Variants in LAMB3 observed in about 807,000 individuals in gnomAD.
LAMB3 encodes the protein laminin subunit beta 3.
In LAMB3, 104 loss-of-function variants were observed where a neutral mutation model predicts 140.3. The ratio of observed to expected loss-of-function variants is 0.74; its 90% CI spans 0.63 to 0.87. The LOEUF is 0.87. Ranked by LOEUF, LAMB3 falls within the 40% of genes least tolerant of loss-of-function variation. The pLI is 0.00. For missense variants in LAMB3, 1,531 were observed against 1,575.2 expected, an observed-to-expected ratio of 0.97 and a Z score of 0.47; for synonymous variants, 592 against 602.9, an observed-to-expected ratio of 0.98 and a Z score of 0.26.
rs2076574344 is a variant in LAMB3, at chr1:209,652,373, C to T, written c.-42G>A. On this transcript the variant is annotated 5_prime_UTR_variant, in exon 1 of 23. Transcript: ENST00000356082. ...AGGTAAAGACAGGTAACATACCTTG[C>T]TGTGTGTTCTGCCGTTCTTTCTCCA... 1 of 152,304 alleles carries T rather than the reference C, an allele frequency of 6.6e-6. No individual in the cohort carries two copies. The highest frequency in any genetic ancestry group is 2.4e-5 in the African/African-American group (1 of 41,468). The allele number at this position is 152,304 out of a possible 1,614,324, so 9.4% of individuals were successfully genotyped here. A position where few individuals can be genotyped will look rare whatever the true frequency, so the allele number is the denominator to read the frequency against.
chr1:209,618,967 G>A (rs918123851), intron 18 of LAMB3, among the ~76,000 whole-genome samples: 1 of 152,218 alleles, frequency 6.6e-6, no homozygotes, highest in Non-Finnish European at 1.5e-5. Flanking sequence ...AGGAGGTGGT[G>A]CCAGACAGCT....
chr1:209,650,248 G>T, intron 2 of LAMB3, 130 bp from the exon 3 acceptor site: 1 of 899,756 alleles, frequency 1.1e-6, no homozygotes, highest in Non-Finnish European at 1.8e-6. Flanking sequence ...TCCACTCGCT[G>T]CTGGCAGTAA....
At chr1:209,618,686 A>T (rs751459861) in intron 18 of LAMB3, 27 bp from the exon 19 acceptor site, 2 of 1,607,522 alleles carry the variant, frequency 1.2e-6, no homozygotes, top group African/African-American at 1.3e-5. Context: ...ATTTGACTGT[A>T]GGAGCCCACT....
In LAMB3 at chr1:209,625,953, A is replaced by C; in HGVS notation, c.1671T>G (p.Pro557=). ...GGTCACAGCGGGGCCCGGTCAAGCC[A>C]GGGCGGCAGAGGCAGCGGCCTGATG... ...DKASGRCLCR[P]GLTGPRCDQC... Residue 557 remains proline (P), a synonymous_variant, in exon 14 of 23, where the codon CCT becomes CCG. Transcript: ENST00000356082. 4 of 1,613,798 alleles carry C rather than the reference A, an allele frequency of 2.5e-6. No homozygotes were observed. The highest frequency in any genetic ancestry group is 3.4e-6 in the Non-Finnish European group (4 of 1,179,874).
At position 209,634,582 on chromosome 1, in the gene LAMB3, C is replaced by G. The variant is rs369555024; in HGVS notation, c.429G>C (p.Trp143Cys). ...IERSSDFGKT[W>C]RVYQYLAADC... ...CGGCAGCCAGGTACTGGTACACTCGCCAGGTCTTACCGAAGTCTGAGGAGC... is the reference window on the plus strand; with the variant it reads ...CGGCAGCCAGGTACTGGTACACTCGGCAGGTCTTACCGAAGTCTGAGGAGC... Residue 143 changes from tryptophan to cysteine, a missense_variant, in exon 6 of 23, where the codon TGG (tryptophan) becomes TGC (cysteine). Coordinates refer to ENST00000356082, the MANE Select transcript of LAMB3 (RefSeq NM_000228.3). 3 of 1,614,130 alleles carry G rather than the reference C, an allele frequency of 1.9e-6. No homozygotes were observed. Among genetic ancestry groups the G allele is most frequent in the Non-Finnish European group, 2.5e-6 (3 of 1,180,018 alleles).
At chr1:209,616,366 A>G (rs1302748107) in intron 22 of LAMB3, 105 bp downstream of exon 22, 2 of 1,314,622 alleles carry the variant, frequency 1.5e-6, no homozygotes, top group Non-Finnish European at 2.2e-6. Context: ...TCTCACTCCC[A>G]TAGCACGGCT....
Position 209,615,035 on chromosome 1 carries a change from TAGTTTC to T in LAMB3, c.*230_*235del, listed in dbSNP as rs1455915304. ...CCAGCTTCCTTGACTTGAGAGCTCT[TAGTTTC>T]AATGGCATGCCAATCTCCACCATCT... On this transcript the variant is annotated 3_prime_UTR_variant, in exon 23 of 23. Transcript: ENST00000356082. The T allele has an allele frequency of 1.8e-6, 1 of 542,758 alleles. No individual in the cohort carries two copies. Among genetic ancestry groups the T allele is most frequent in the East Asian group, 3.1e-5 (1 of 32,262 alleles). 33.6% of individuals were successfully genotyped at this position (542,758 alleles called of 1,614,324 possible). A position where few individuals can be genotyped will look rare whatever the true frequency, so the allele number is the denominator to read the frequency against.
In LAMB3 at chr1:209,625,794, C is replaced by T. The variant is rs121912484; in HGVS notation, c.1830G>A (p.Trp610Ter). 1.9e-6 allele frequency: 3 copies of T among 1,614,178 alleles called. No individual in the cohort carries two copies. The highest frequency in any genetic ancestry group is 4.5e-5 in the East Asian group (2 of 44,870). Residue 610 changes from tryptophan (W) to a stop codon, truncating the protein, a stop_gained, in exon 14 of 23, where the codon TGG (tryptophan) becomes TGA (stop). Coordinates refer to ENST00000356082, the MANE Select transcript of LAMB3 (RefSeq NM_000228.3). LOFTEE classifies it high-confidence loss of function. ...GRLRNATASLWSGPGLEDRGL... is the reference protein window; with the variant it reads ...GRLRNATASL ...CACGGTCCTCCAGCCCAGGCCCTGA[C>T]CACAGGCTGGCGGTGGCATTGCGGA...
At position 209,617,425 on chromosome 1, in the gene LAMB3, T is replaced by C. The variant is rs1398238466; in HGVS notation, c.3213A>G (p.Ala1071=). The C allele has an allele frequency of 6.2e-7, 1 of 1,612,642 alleles. No individual in the cohort carries two copies. Among genetic ancestry groups the C allele is most frequent in the Non-Finnish European group, 8.5e-7 (1 of 1,180,046 alleles). ...TTCTCTGTACCTCTTGGGCACTCAA[T>C]GCCTGCTCGCTGGCACCTTCCGCAA... The part of the protein sequence containing the change: ...QQLAEGASEQ[A]LSAQEGFERI... The change falls in exon 21 of 23, where the codon GCA becomes GCG. Residue 1071 remains alanine (A), a synonymous_variant. Coordinates refer to ENST00000356082, the MANE Select transcript of LAMB3 (RefSeq NM_000228.3).
intron 10 of LAMB3, among the ~76,000 whole-genome samples, chr1:209,629,321 T>C (rs746199799): frequency 2.0e-5 from 3 of 152,220 alleles, no homozygotes; most frequent in Non-Finnish European, 4.4e-5. Flanking sequence ...GAGTTCTCGA[T>C]GTTGGGAGAA....
At chr1:209,630,508 C>T (rs1666640093) in intron 9 of LAMB3, 107 bp downstream of exon 9, 5 of 1,266,580 alleles carry the variant, frequency 3.9e-6, no homozygotes, top group Non-Finnish European at 5.7e-6. Context: ...TTTAGATTTA[C>T]ATAAGAAAGA....
chr1:209,615,125 T>C lies in LAMB3; in HGVS notation c.*146A>G. ...GGCTCAGCTGCAGCTCAGGGTAATC[T>C]TACTAGCTACACACCAGGGGTGGTC... On this transcript the variant is annotated 3_prime_UTR_variant, in exon 23 of 23. Coordinates refer to ENST00000356082, the MANE Select transcript of LAMB3 (RefSeq NM_000228.3). The C allele has an allele frequency of 1.1e-6, 1 of 936,632 alleles. No individual in the cohort carries two copies. The highest frequency in any genetic ancestry group is 1.5e-5 in the South Asian group (1 of 64,814). The allele number at this position is 936,632 out of a possible 1,614,324, so 58.0% of individuals were successfully genotyped here.
At chr1:209,650,822 G>A in intron 2 of LAMB3, 95 bp downstream of exon 2, 1 of 1,163,774 alleles carries the variant, frequency 8.6e-7, no homozygotes, top group Non-Finnish European at 1.3e-6. Context: ...ACAGGTGACA[G>A]GTGATGCCCA....
At chr1:209,629,615 C>G in intron 10 of LAMB3, 122 bp downstream of exon 10, 2 of 918,664 alleles carry the variant, frequency 2.2e-6, no homozygotes, top group Middle Eastern at 2.2e-4. Context: ...TCCTGACTCA[C>G]AGCCAAGTTT....
chr1:209,626,862 T>C lies in LAMB3; in HGVS notation c.1597+5A>G. 2 of 1,610,710 alleles carry C rather than the reference T, an allele frequency of 1.2e-6. No individual in the cohort carries two copies. Among genetic ancestry groups the C allele is most frequent in the Non-Finnish European group, 1.7e-6 (2 of 1,177,316 alleles). The stretch of plus-strand genomic sequence containing the variant: ...CTCAGCGTCCCCCAGGCTTTGAGCA[T>C]GCACCTCGGCATCCTGTGGCCACGT... On this transcript the variant is annotated splice_donor_5th_base_variant and intron_variant, in intron 13 of 22. Transcript: ENST00000356082.
intron 3 of LAMB3, among the ~76,000 whole-genome samples, chr1:209,645,889 G>A (rs994621171): frequency 7.9e-5 from 12 of 152,182 alleles, no homozygotes; most frequent in Admixed American, 5.2e-4. Context: ...GGCAGTGGTC[G>A]TTGGAGTGTG....
At chr1:209,616,646 C>G (rs1665980326) in intron 21 of LAMB3, 22 bp from the exon 22 acceptor site, 1 of 1,613,260 alleles carries the variant, frequency 6.2e-7, no homozygotes. Context: ...AGAATAGTCT[C>G]AGTGTCATTG....
chr1:209,649,844 G>T, intron 3 of LAMB3, 120 bp downstream of exon 3: 2 of 1,130,784 alleles, frequency 1.8e-6, no homozygotes, highest in Non-Finnish European at 2.7e-6. Context: ...GCACTCCCCA[G>T]TCCGTGTAGT....
intron 3 of LAMB3, among the ~76,000 whole-genome samples, chr1:209,639,958 A>G (rs115667059): frequency 6.6e-6 from 1 of 152,150 alleles, no homozygotes; most frequent in Non-Finnish European, 1.5e-5. Context: ...GTCTGAGTGG[A>G]TATATGGGGC....
Sources: allele counts gnomAD v4.1 joint callset (sites outside exome capture counted in the v4.1 genomes callset), GRCh38; gene constraint gnomAD v4.1.1; transcripts MANE v1.5; gene names NCBI Gene and HGNC (gene_info 2026-07-23, HGNC 2026-07-21).